The following MACROH2A1 variants were observed in gnomAD, a reference collection of about 807,000 sequenced individuals.
MACROH2A1 encodes the protein core histone macro-H2A.1.
A neutral mutation model predicts 31.6 loss-of-function variants in MACROH2A1; 2 were observed. The ratio of observed to expected loss-of-function variants is 0.06; its 90% confidence interval spans 0.03 to 0.20. The LOEUF is 0.20. Ranked by LOEUF, MACROH2A1 falls within the 10% of genes least tolerant of loss-of-function variation. The pLI is 1.00. For missense variants in MACROH2A1, 230 were observed against 474.0 expected (o/e 0.49, Z 4.78); for synonymous variants, 169 against 189.6 (o/e 0.89, Z 0.89).
intron 2 of MACROH2A1, among the ~76,000 whole-genome samples, chr5:135,372,978 T>C (rs1007411780): frequency 6.6e-6 from 1 of 152,234 alleles, no homozygotes; most frequent in Non-Finnish European, 1.5e-5. Context: ...CTGACCATAA[T>C]GTGCCAAGAA....
At chr5:135,382,031 G>C (rs1160379587) in intron 2 of MACROH2A1, among the ~76,000 whole-genome samples, 6 of 152,202 alleles carry the variant, frequency 3.9e-5, no homozygotes, top group Non-Finnish European at 7.4e-5. Flanking sequence ...ACTTCAATAA[G>C]AAGTAAATAG....
intron 2 of MACROH2A1, among the ~76,000 whole-genome samples, chr5:135,379,973 C>T (rs746930603): frequency 3.9e-5 from 6 of 152,206 alleles, no homozygotes; most frequent in Non-Finnish European, 7.3e-5. Context: ...CCAGCAACAG[C>T]TGCCCTGCTG....
chr5:135,360,874 T>C (rs750166715), intron 4 of MACROH2A1: 5 of 614,190 alleles, frequency 8.1e-6, no homozygotes, highest in Non-Finnish European at 1.5e-5. Context: ...AGTGATCATT[T>C]AGAATAGAAC....
In MACROH2A1 at chr5:135,398,270, A is replaced by C. The variant is rs910139506; in HGVS notation, c.-34+792T>G. Among the ~76,000 whole-genome samples the C allele has an allele frequency of 4.0e-5, 6 of 150,638 alleles. No homozygotes were observed. Among genetic ancestry groups the C allele is most frequent in the African/African-American group, 1.2e-4 (5 of 40,970 alleles). The stretch of plus-strand genomic sequence containing the variant: ...ACTGCCAGCAGCATCCTGCACACTC[A>C]CCTCCCCACTCCACCCCACCCCCAG... On this transcript the variant is annotated intron_variant, in intron 1 of 8. Coordinates refer to ENST00000511689, the MANE Select transcript of MACROH2A1 (RefSeq NM_138610.3). This position sits in a 1 kb window ranked among gnomAD's most constrained non-coding sequence, Gnocchi z 4.6.
intron 2 of MACROH2A1, among the ~76,000 whole-genome samples, chr5:135,383,993 GCTGT>G (rs1766047329): frequency 6.6e-6 from 1 of 152,242 alleles, no homozygotes; most frequent in African/African-American, 2.4e-5. Context: ...TCTATTTTTA[GCTGT>G]CTGAGTCCAG....
At chr5:135,337,480 A>G (rs1018828610) in intron 8 of MACROH2A1, among the ~76,000 whole-genome samples, 4 of 152,360 alleles carry the variant, frequency 2.6e-5, no homozygotes, top group Admixed American at 6.5e-5. Context: ...ACCCCTCCTG[A>G]GGCTTTCCTT....
intron 8 of MACROH2A1, 99 bp from the exon 9 acceptor site, chr5:135,335,240 C>T: frequency 1.1e-6 from 1 of 881,310 alleles, no homozygotes; most frequent in South Asian, 1.6e-5. Flanking sequence ...TGCAGCTTGC[C>T]TTGTGTTGGG....
At chr5:135,382,015 G>A (rs568032909) in intron 2 of MACROH2A1, among the ~76,000 whole-genome samples, 36 of 152,324 alleles carry the variant, frequency 2.4e-4, no homozygotes, top group African/African-American at 8.4e-4. Context: ...AAATTCTAGA[G>A]GATATACTTC....
At chr5:135,386,833 A>T (rs1766478306) in intron 2 of MACROH2A1, among the ~76,000 whole-genome samples, 1 of 152,262 alleles carries the variant, frequency 6.6e-6, no homozygotes, top group Non-Finnish European at 1.5e-5. Context: ...AGAGAAAGCT[A>T]GATGGAAGAA....
chr5:135,365,293 A>G (rs569304125), intron 4 of MACROH2A1, among the ~76,000 whole-genome samples: 4 of 152,248 alleles, frequency 2.6e-5, no homozygotes, highest in South Asian at 2.1e-4. Flanking sequence ...TTCTCTTAAG[A>G]GGGGCCAGGC....
intron 2 of MACROH2A1, 69 bp from the exon 3 acceptor site, chr5:135,370,211 T>A (rs1328732779): frequency 2.1e-6 from 2 of 953,180 alleles, no homozygotes; most frequent in Non-Finnish European, 3.2e-6. Context: ...GTCCCCACAT[T>A]CACAGTGCCA....
chr5:135,396,463 A>G (rs1297520035), intron 1 of MACROH2A1, among the ~76,000 whole-genome samples: 1 of 151,708 alleles, frequency 6.6e-6, no homozygotes, highest in African/African-American at 2.4e-5. Context: ...GCCTCACCTG[A>G]CTCCGCACCA....
chr5:135,351,598 T>C (rs1263423432), intron 6 of MACROH2A1: 1 of 141,354 alleles, frequency 7.1e-6, no homozygotes, highest in East Asian at 2.2e-4. Flanking sequence ...AGGATCTTGC[T>C]GTTGCCTAGG....
At chr5:135,361,571 A>T (rs1376828909) in intron 4 of MACROH2A1, 1 of 152,208 alleles carries the variant, frequency 6.6e-6, no homozygotes. Context: ...GTTTTCATTT[A>T]GACACTTCAC....
intron 6 of MACROH2A1, among the ~76,000 whole-genome samples, chr5:135,349,607 A>G (rs889702933): frequency 5.3e-5 from 8 of 152,062 alleles, no homozygotes; most frequent in African/African-American, 1.4e-4. Context: ...AGAGATTGTG[A>G]GCTACTGCAC....
intron 6 of MACROH2A1, among the ~76,000 whole-genome samples, chr5:135,350,283 T>G (rs1761360250): frequency 6.6e-6 from 1 of 152,174 alleles, no homozygotes; most frequent in African/African-American, 2.4e-5. Context: ...GTACCTGAAG[T>G]CTGAGAACCC....
chr5:135,338,192 G>C (rs1759127465), intron 8 of MACROH2A1, among the ~76,000 whole-genome samples: 1 of 152,218 alleles, frequency 6.6e-6, no homozygotes, highest in South Asian at 2.1e-4. Context: ...GTCAGACCCA[G>C]GTCTGCCTCT....
At chr5:135,341,638 A>G (rs986073081) in intron 8 of MACROH2A1, among the ~76,000 whole-genome samples, 2 of 152,222 alleles carry the variant, frequency 1.3e-5, no homozygotes, top group Non-Finnish European at 2.9e-5. Context: ...AGTGACAGGA[A>G]GCCCACTCTG....
intron 5 of MACROH2A1, chr5:135,360,225 C>T (rs1200225815): frequency 4.2e-6 from 2 of 480,856 alleles, no homozygotes; most frequent in Non-Finnish European, 7.5e-6. Flanking sequence ...CTCCTCCAGA[C>T]TAACCAAGGG....
Sources: allele counts gnomAD v4.1 joint callset (sites outside exome capture counted in the v4.1 genomes callset), GRCh38; gene constraint gnomAD v4.1.1; non-coding constraint Gnocchi (gnomAD v3.1); transcripts MANE v1.5; gene names NCBI Gene and HGNC (gene_info 2026-07-23, HGNC 2026-07-21).